ASTN1: variants seen among roughly 807,000 people sequenced by gnomAD.
The protein encoded by ASTN1 is astrotactin-1.
Under a neutral mutation model 140.7 loss-of-function variants are expected in ASTN1, and 41 were observed. The ratio of observed to expected loss-of-function variants is 0.29; its 90% CI spans 0.23 to 0.38. ASTN1 has a LOEUF of 0.38. Ranked by LOEUF, ASTN1 falls within the 10% of genes least tolerant of loss-of-function variation. ASTN1 has a pLI of 1.00. For missense variants in ASTN1, 1,479 were observed against 1,678.8 expected, an observed-to-expected ratio of 0.88 and a Z score of 2.08; for synonymous variants, 640 against 652.2, an observed-to-expected ratio of 0.98 and a Z score of 0.29.
intron 1 of ASTN1, among the ~76,000 whole-genome samples, chr1:177,154,015 A>C (rs191472695): frequency 2.3e-3 from 357 of 152,324 alleles, no homozygotes; most frequent in Middle Eastern, 3.4e-3. Flanking sequence ...TTCTGAGCAC[A>C]GTTTGGCAGT....
At chr1:176,952,879 C>G (rs1672250624) in intron 11 of ASTN1, among the ~76,000 whole-genome samples, 1 of 152,158 alleles carries the variant, frequency 6.6e-6, no homozygotes, top group Admixed American at 6.5e-5. Flanking sequence ...TATATTAACC[C>G]TTCTTTGCAT....
chr1:177,058,777 G>T (rs1677932171), intron 2 of ASTN1, among the ~76,000 whole-genome samples: 1 of 151,532 alleles, frequency 6.6e-6, no homozygotes, highest in Admixed American at 6.6e-5. Flanking sequence ...TAAGATTTTG[G>T]TGCTCCCATC....
chr1:177,025,747 C>T (rs559584062), intron 5 of ASTN1, among the ~76,000 whole-genome samples: 3 of 152,284 alleles, frequency 2.0e-5, no homozygotes, highest in South Asian at 2.1e-4. Context: ...ATGGGAACCA[C>T]CCACTTTACA....
intron 8 of ASTN1, among the ~76,000 whole-genome samples, chr1:176,990,806 C>T (rs1674123077): frequency 6.6e-6 from 1 of 152,166 alleles, no homozygotes; most frequent in Admixed American, 6.5e-5. Context: ...TCACGCCCAT[C>T]TAATAAATAT....
chr1:176,909,449 G>A (rs1289550405), intron 16 of ASTN1, among the ~76,000 whole-genome samples: 1 of 152,188 alleles, frequency 6.6e-6, no homozygotes, highest in South Asian at 2.1e-4. Flanking sequence ...CTCTCTAGGA[G>A]TTGGGTGATC....
chr1:177,014,044 T>C (rs1437494720), intron 8 of ASTN1, among the ~76,000 whole-genome samples: 3 of 148,660 alleles, frequency 2.0e-5, no homozygotes, highest in African/African-American at 7.5e-5. Flanking sequence ...AGACAATGTC[T>C]CAATTAAAAA....
At chr1:176,893,422 C>T (rs1393137342) in intron 17 of ASTN1, among the ~76,000 whole-genome samples, 1 of 152,226 alleles carries the variant, frequency 6.6e-6, no homozygotes, top group Non-Finnish European at 1.5e-5. Context: ...ACTCCTCTTC[C>T]TGTAGCCACC....
At chr1:177,029,942 G>C (rs573804820) in intron 4 of ASTN1, among the ~76,000 whole-genome samples, 185 of 152,312 alleles carry the variant, frequency 1.2e-3, no homozygotes, top group African/African-American at 4.3e-3. Flanking sequence ...AATCACTGGA[G>C]CTCTACCCTG....
chr1:177,056,430 G>A (rs1206924711), intron 2 of ASTN1, among the ~76,000 whole-genome samples: 1 of 152,082 alleles, frequency 6.6e-6, no homozygotes, highest in Non-Finnish European at 1.5e-5. Context: ...GGCCATGGGG[G>A]CCTCCAGATA....
chr1:177,096,654 T>C (rs2902094), intron 1 of ASTN1, among the ~76,000 whole-genome samples: 48,248 of 151,934 alleles, frequency 0.32, 8,857 homozygotes, highest in Non-Finnish European at 0.42. Flanking sequence ...AAAAGTCTCA[T>C]GAGATCTGTG....
chr1:176,983,312 T>C (rs930054315), intron 8 of ASTN1, among the ~76,000 whole-genome samples: 2 of 152,144 alleles, frequency 1.3e-5, no homozygotes, highest in Non-Finnish European at 2.9e-5. Context: ...GCACTCCCAC[T>C]GGACTCCCTT....
intron 8 of ASTN1, among the ~76,000 whole-genome samples, chr1:176,988,327 A>AAG (rs1553239102): frequency 6.6e-6 from 1 of 150,532 alleles, no homozygotes; most frequent in Non-Finnish European, 1.5e-5. Context: ...GAAAAAAAAA[A>AAG]AAAAAACCTT....
intron 1 of ASTN1, among the ~76,000 whole-genome samples, chr1:177,105,813 T>C (rs1033675410): frequency 6.6e-6 from 1 of 152,192 alleles, no homozygotes; most frequent in Non-Finnish European, 1.5e-5. Context: ...TCTATTTTCA[T>C]GTCCATTTCA....
intron 1 of ASTN1, among the ~76,000 whole-genome samples, chr1:177,118,585 C>T (rs929322896): frequency 6.6e-5 from 10 of 152,194 alleles, no homozygotes; most frequent in Admixed American, 4.6e-4. Context: ...GCCATTAACA[C>T]AGCCAGCCAA....
intron 8 of ASTN1, among the ~76,000 whole-genome samples, chr1:176,985,437 C>T (rs1230169164): frequency 6.6e-6 from 1 of 152,046 alleles, no homozygotes; most frequent in Non-Finnish European, 1.5e-5. Flanking sequence ...TGTCCCTGCT[C>T]TTGGCTGTCA....
chr1:177,030,167 T>G (rs1461011997), intron 4 of ASTN1, among the ~76,000 whole-genome samples: 1 of 152,224 alleles, frequency 6.6e-6, no homozygotes, highest in East Asian at 1.9e-4. Flanking sequence ...AAAGACAGAA[T>G]AGAATAAAGG....
chr1:176,885,515 C>A (rs1668999282), intron 18 of ASTN1, among the ~76,000 whole-genome samples: 1 of 152,156 alleles, frequency 6.6e-6, no homozygotes, highest in South Asian at 2.1e-4. Context: ...CTCACTCCAG[C>A]CTCCCTCCCT....
intron 8 of ASTN1, among the ~76,000 whole-genome samples, chr1:177,002,416 C>CGT (rs1674776372): frequency 6.8e-6 from 1 of 147,794 alleles, no homozygotes; most frequent in Non-Finnish European, 1.5e-5. Context: ...CACACACACA[C>CGT]ATGAACAAAT....
At position 177,164,586 on chromosome 1, in the gene ASTN1, T is replaced by C; in HGVS notation, c.91A>G (p.Lys31Glu). 6.2e-7 allele frequency: 1 copy of C among 1,613,622 alleles called. No homozygotes were observed. Among genetic ancestry groups the C allele is most frequent in the Non-Finnish European group, 8.5e-7 (1 of 1,179,826 alleles). Residue 31 changes from lysine (K) to glutamate (E), a missense_variant, in exon 1 of 23, where the codon AAG (lysine) becomes GAG (glutamate). Lys to Glu is a moderately conservative substitution (Grantham distance 56). Around this residue, in one of 3 missense-constraint regions of ASTN1, gnomAD observed 729 missense variants for 860.4 expected, o/e 0.85. Coordinates refer to ENST00000361833, the MANE Select transcript of ASTN1 (RefSeq NM_004319.3). ...ATAAGDVDPS[K>E]ELECKLKSIT... ...CTTTTGAGCTTGCACTCCAGCTCCT[T>C]GGATGGATCCACGTCGCCGGCGGCC...
Sources: gnomAD v4.1 joint callset for allele counts (sites outside exome capture counted in the v4.1 genomes callset) on GRCh38, gnomAD v4.1.1 for gene constraint, gnomAD v4.1.1 regional missense constraint, MANE v1.5 for transcripts, NCBI Gene and HGNC (gene_info 2026-07-23, HGNC 2026-07-21) for gene names.